Variants in DGKB observed in about 807,000 individuals in gnomAD.
The protein encoded by DGKB is 90 kDa diacylglycerol kinase.
In DGKB, 67 loss-of-function variants were observed where a neutral mutation model predicts 114.3. The ratio of observed to expected loss-of-function variants is 0.59; its 90% confidence interval spans 0.48 to 0.72. The LOEUF (loss-of-function observed/expected upper bound fraction) is 0.72. Among genes scored for constraint, DGKB ranks in the 30% least tolerant of loss-of-function variants. The pLI, the probability that DGKB is intolerant of heterozygous loss-of-function variation, is 0.00. For synonymous variants in DGKB, 398 were observed against 323.1 expected (o/e 1.23, Z -2.49); for missense variants, 907 against 975.2 (o/e 0.93, Z 0.93).
chr7:14,251,390 A>G (rs1334118181), intron 23 of DGKB, among the ~76,000 whole-genome samples: 1 of 152,074 alleles, frequency 6.6e-6, no homozygotes, highest in Admixed American at 6.6e-5. Flanking sequence ...ATAATTCTAC[A>G]CTTTTACTTC....
At chr7:14,186,733 C>A (rs79319260) in intron 23 of DGKB, among the ~76,000 whole-genome samples, 4 of 152,096 alleles carry the variant, frequency 2.6e-5, no homozygotes, top group Non-Finnish European at 5.9e-5. Context: ...CTGGATGAGA[C>A]TGGAGACTAT....
At chr7:14,310,299 T>C (rs1805171274) in intron 23 of DGKB, among the ~76,000 whole-genome samples, 1 of 152,134 alleles carries the variant, frequency 6.6e-6, no homozygotes, top group Non-Finnish European at 1.5e-5. Flanking sequence ...GAGATCACAT[T>C]ACAGAACAGG....
chr7:14,213,532 G>A (rs781350363), intron 23 of DGKB, among the ~76,000 whole-genome samples: 1 of 152,088 alleles, frequency 6.6e-6, no homozygotes, highest in Non-Finnish European at 1.5e-5. Flanking sequence ...GTCTCCCTCT[G>A]GAGCAAGGGG....
intron 13 of DGKB, among the ~76,000 whole-genome samples, chr7:14,638,447 A>C (rs1319544149): frequency 6.6e-6 from 1 of 152,164 alleles, no homozygotes; most frequent in Non-Finnish European, 1.5e-5. Context: ...CTTGATATAT[A>C]TGTTACTGTC....
chr7:14,924,369 G>T (rs986024013), intron 1 of DGKB, among the ~76,000 whole-genome samples: 1 of 152,042 alleles, frequency 6.6e-6, no homozygotes, highest in Non-Finnish European at 1.5e-5. Flanking sequence ...CTATGAAATT[G>T]GTTTCTCTTT....
chr7:14,308,728 C>CTATT (rs1245548310), intron 23 of DGKB, among the ~76,000 whole-genome samples: 4 of 152,154 alleles, frequency 2.6e-5, no homozygotes, highest in African/African-American at 9.7e-5. Context: ...GGACTAGGCA[C>CTATT]TATTAAACCT....
At chr7:14,412,452 G>A (rs1825044020) in intron 21 of DGKB, among the ~76,000 whole-genome samples, 2 of 152,138 alleles carry the variant, frequency 1.3e-5, no homozygotes, top group South Asian at 4.1e-4. Context: ...TGCAAAAAGT[G>A]CAAGACATAC....
chr7:14,717,153 T>C (rs912369539), intron 6 of DGKB, among the ~76,000 whole-genome samples: 3 of 152,168 alleles, frequency 2.0e-5, no homozygotes, highest in Admixed American at 6.6e-5. Context: ...AGGATGCACA[T>C]GGAAAACTCA....
chr7:14,418,215 A>AAATG (rs1391259059), intron 21 of DGKB, among the ~76,000 whole-genome samples: 6 of 20,580 alleles, frequency 2.9e-4, no homozygotes, highest in African/African-American at 3.8e-4. Context: ...ATAAATGTAT[A>AAATG]TATTATATAT....
Position 14,520,568 on chromosome 7 carries a change from T to C in DGKB, c.1771-42343A>G, listed in dbSNP as rs118018370. Among the ~76,000 whole-genome samples the C allele has an allele frequency of 5.4e-3, 819 of 151,732 alleles. 5 individuals carry two copies. Among genetic ancestry groups the C allele is most frequent in the Middle Eastern group, 0.017 (5 of 294 alleles). ...AAATATGTTTTATTCTTCTTTGTGG[T>C]TTTTTTTGATCCATGAGAGATTCAA... On this transcript the variant is annotated intron_variant, in intron 20 of 25. Coordinates refer to ENST00000402815, the MANE Select transcript of DGKB (RefSeq NM_001350709.2).
chr7:14,160,674 A>G (rs10244674), intron 25 of DGKB, among the ~76,000 whole-genome samples: 72,189 of 152,050 alleles, frequency 0.47, 17,528 homozygotes, highest in East Asian at 0.63. Flanking sequence ...AAGAATTAAT[A>G]TGAAAATGGC....
intron 21 of DGKB, among the ~76,000 whole-genome samples, chr7:14,404,335 CTTT>C (rs1451824256): frequency 6.6e-6 from 1 of 151,622 alleles, no homozygotes; most frequent in Middle Eastern, 3.4e-3. Context: ...TTATCATGAC[CTTT>C]TTTTTATTGA....
rs142851469 is a variant in DGKB, at chr7:14,871,807, G to A, written c.-187-30357C>T. ...TAGGCAGATTGCTATATATGGGGAG[G>A]TGTGGTGATGGATGGCATCATGCAG... On this transcript the variant is annotated intron_variant, in intron 1 of 25. Coordinates refer to ENST00000402815, the MANE Select transcript of DGKB (RefSeq NM_001350709.2). 2.2e-3 allele frequency among the ~76,000 whole-genome samples: 334 copies of A among 152,266 alleles called. 1 individual carries two copies. The highest frequency in any genetic ancestry group is 7.8e-3 in the African/African-American group (323 of 41,554).
At chr7:14,434,795 T>C (rs934103303) in intron 21 of DGKB, among the ~76,000 whole-genome samples, 4 of 152,064 alleles carry the variant, frequency 2.6e-5, no homozygotes, top group Admixed American at 2.6e-4. Flanking sequence ...CCAAAGAGCC[T>C]CAACCACGTG....
At chr7:14,480,642 T>C (rs1782847810) in intron 20 of DGKB, among the ~76,000 whole-genome samples, 1 of 152,172 alleles carries the variant, frequency 6.6e-6, no homozygotes, top group South Asian at 2.1e-4. Context: ...TTACAGTTTT[T>C]AGACAACAGA....
chr7:14,844,902 T>A (rs1848426375), intron 1 of DGKB, among the ~76,000 whole-genome samples: 2 of 151,230 alleles, frequency 1.3e-5, no homozygotes, highest in South Asian at 4.2e-4. Context: ...AGCTCAGGAG[T>A]TCTAGACCAG....
Position 14,560,250 on chromosome 7 carries a change from T to C in DGKB, c.1770+13962A>G, listed in dbSNP as rs372626773. 5.3e-5 allele frequency among the ~76,000 whole-genome samples: 8 copies of C among 152,282 alleles called. No individual in the cohort carries two copies. In the East Asian group the frequency reaches 1.5e-3, roughly 29 times the overall value. ...CATGAGATCTACCTTCTTAACAAAGTATAAAATACATTATTGTTGAGTATA... is the reference window on the plus strand; with the variant it reads ...CATGAGATCTACCTTCTTAACAAAGCATAAAATACATTATTGTTGAGTATA... On this transcript the variant is annotated intron_variant, in intron 20 of 25. Transcript: ENST00000402815.
intron 2 of DGKB, among the ~76,000 whole-genome samples, chr7:14,758,055 C>T (rs991109311): frequency 6.6e-6 from 1 of 152,040 alleles, no homozygotes; most frequent in Non-Finnish European, 1.5e-5. Context: ...AGAATTTTCT[C>T]TGTATACATA....
At chr7:14,762,355 C>T (rs1290609548) in intron 2 of DGKB, among the ~76,000 whole-genome samples, 1 of 152,092 alleles carries the variant, frequency 6.6e-6, no homozygotes, top group Non-Finnish European at 1.5e-5. Context: ...TGTCAATCTT[C>T]TCATTTCGGC....
Sources: allele counts gnomAD v4.1 joint callset (sites outside exome capture counted in the v4.1 genomes callset), GRCh38; gene constraint gnomAD v4.1.1; transcripts MANE v1.5; gene names NCBI Gene and HGNC (gene_info 2026-07-23, HGNC 2026-07-21).